Variants in PARN observed in about 807,000 individuals in gnomAD.
The protein encoded by PARN is poly(A)-specific ribonuclease, also known as poly(A)-specific ribonuclease PARN.
A neutral mutation model predicts 102.8 loss-of-function variants in PARN; 71 were observed. That is an observed-to-expected ratio of 0.69 (90% CI 0.57 to 0.84). The LOEUF (loss-of-function observed/expected upper bound fraction) is 0.84. Ranked by LOEUF, PARN falls within the 40% of genes least tolerant of loss-of-function variation. The pLI is 0.00. For synonymous variants in PARN, 261 were observed against 252.9 expected (o/e 1.03, Z -0.30); for missense variants, 782 against 760.9 (o/e 1.03, Z -0.33).
intron 22 of PARN, among the ~76,000 whole-genome samples, chr16:14,465,020 G>T (rs963673348): frequency 1.3e-5 from 2 of 152,152 alleles, no homozygotes; most frequent in African/African-American, 4.8e-5. Context: ...ACTACACAAA[G>T]GAATGAGGAA....
At chr16:14,611,602 A>G (rs1193273870) in intron 6 of PARN, among the ~76,000 whole-genome samples, 3 of 152,148 alleles carry the variant, frequency 2.0e-5, no homozygotes, top group Admixed American at 2.0e-4. Flanking sequence ...ATGCAATGGC[A>G]CAATATGAGC....
At chr16:14,491,263 C>G (rs1386645778) in intron 21 of PARN, among the ~76,000 whole-genome samples, 1 of 150,614 alleles carries the variant, frequency 6.6e-6, no homozygotes, top group Non-Finnish European at 1.5e-5. Flanking sequence ...CTGGTACACC[C>G]AACTGGTGTA....
In PARN at chr16:14,599,911, G is replaced by A; in HGVS notation, c.833C>T (p.Ala278Val). 6.3e-7 allele frequency: 1 copy of A among 1,599,712 alleles called. No homozygotes were observed. The highest frequency in any genetic ancestry group is 8.5e-7 in the Non-Finnish European group (1 of 1,171,222). The change falls in exon 12 of 24, where the codon GCT (alanine) becomes GTT (valine). Residue 278 changes from alanine (A) to valine (V), a missense_variant. Transcript: ENST00000437198. The part of the protein sequence containing the change: ...VGFSRVIHAI[A>V]NSGKLVIGHN... ...AAAGTCTGGCTCACTTACCGAATTA[G>A]CAATGGCGTGAATGACTCTAGAAAA...
chr16:14,525,046 A>C (rs1196215640), intron 21 of PARN, among the ~76,000 whole-genome samples: 1 of 152,230 alleles, frequency 6.6e-6, no homozygotes, highest in Non-Finnish European at 1.5e-5. Context: ...TACTACTACG[A>C]AATATGAGGA....
chr16:14,625,451 C>T (rs1226187571), intron 5 of PARN, among the ~76,000 whole-genome samples: 1 of 152,084 alleles, frequency 6.6e-6, no homozygotes, highest in African/African-American at 2.4e-5. Flanking sequence ...GAGCCTAGAT[C>T]ATGCCATCAC....
intron 11 of PARN, among the ~76,000 whole-genome samples, chr16:14,600,806 T>C (rs759825370): frequency 6.6e-6 from 1 of 152,164 alleles, no homozygotes; most frequent in Non-Finnish European, 1.5e-5. Context: ...GGTGCATGCC[T>C]GTAATCCCAG....
intron 5 of PARN, 29 bp from the exon 6 acceptor site, chr16:14,617,679 T>C (rs763292138): frequency 2.9e-6 from 4 of 1,390,838 alleles, no homozygotes; most frequent in South Asian, 1.2e-5. Flanking sequence ...AACACATGTT[T>C]TGGGGATGTT....
chr16:14,606,724 A>G (rs1403220078), intron 9 of PARN, among the ~76,000 whole-genome samples, 198 bp from the exon 10 acceptor site: 2 of 151,958 alleles, frequency 1.3e-5, no homozygotes, highest in Non-Finnish European at 2.9e-5. Context: ...TTGCTCTTAA[A>G]CACATAAACG....
chr16:14,456,724 C>G (rs1432507228), intron 22 of PARN, among the ~76,000 whole-genome samples: 3 of 151,994 alleles, frequency 2.0e-5, no homozygotes, highest in African/African-American at 7.2e-5. Flanking sequence ...AGATTGCACT[C>G]CAAGTTCAAT....
chr16:14,604,943 CT>C (rs1203996111), intron 10 of PARN, among the ~76,000 whole-genome samples: 1 of 150,126 alleles, frequency 6.7e-6, no homozygotes. Flanking sequence ...TAACCGCACA[CT>C]TTTTTTGTAT....
At chr16:14,577,729 G>A (rs568274605) in intron 18 of PARN, among the ~76,000 whole-genome samples, 12 of 151,750 alleles carry the variant, frequency 7.9e-5, no homozygotes, top group South Asian at 2.1e-4. Flanking sequence ...ATGCAGTGGC[G>A]CAATCTCGGC....
At chr16:14,599,295 G>C (rs908333357) in intron 12 of PARN, among the ~76,000 whole-genome samples, 1 of 151,960 alleles carries the variant, frequency 6.6e-6, no homozygotes, top group Non-Finnish European at 1.5e-5. Flanking sequence ...CATCCTTATC[G>C]GCCTCCCGAA....
intron 12 of PARN, among the ~76,000 whole-genome samples, chr16:14,598,047 G>C (rs1388884723): frequency 3.9e-5 from 6 of 152,178 alleles, no homozygotes; most frequent in Non-Finnish European, 7.3e-5. Context: ...GGGAGGCTGA[G>C]GCAGGAGACT....
intron 12 of PARN, among the ~76,000 whole-genome samples, chr16:14,596,375 T>G (rs190289208): frequency 1.3e-5 from 2 of 151,992 alleles, no homozygotes; most frequent in African/African-American, 4.8e-5. Context: ...AATCTAGTAT[T>G]ATTATTAATA....
intron 18 of PARN, among the ~76,000 whole-genome samples, chr16:14,558,760 T>C (rs996733888): frequency 5.3e-5 from 8 of 152,230 alleles, no homozygotes; most frequent in Non-Finnish European, 1.2e-4. Context: ...TTTTATACTA[T>C]GATTTTACCT....
intron 7 of PARN, among the ~76,000 whole-genome samples, chr16:14,610,329 C>T (rs903906996): frequency 2.0e-5 from 3 of 151,666 alleles, no homozygotes; most frequent in Non-Finnish European, 2.9e-5. Context: ...AAAAATTAGG[C>T]GGGTGTGGTG....
intron 21 of PARN, among the ~76,000 whole-genome samples, chr16:14,489,055 T>C (rs905836152): frequency 2.0e-5 from 3 of 152,022 alleles, no homozygotes; most frequent in Non-Finnish European, 4.4e-5. Flanking sequence ...TAACGGTGAA[T>C]GATAAATGCA....
chr16:14,464,624 G>A (rs146257237), intron 22 of PARN, among the ~76,000 whole-genome samples: 1 of 152,206 alleles, frequency 6.6e-6, no homozygotes, highest in Admixed American at 6.5e-5. Flanking sequence ...AGGCGTGGTG[G>A]CGCACACCTG....
At chr16:14,480,343 C>T (rs1160375236) in intron 22 of PARN, among the ~76,000 whole-genome samples, 1 of 151,982 alleles carries the variant, frequency 6.6e-6, no homozygotes. Context: ...AAAAGAAGAA[C>T]AAATCAAAAA....
Sources: gnomAD v4.1 joint callset for allele counts (sites outside exome capture counted in the v4.1 genomes callset) on GRCh38, gnomAD v4.1.1 for gene constraint, MANE v1.5 for transcripts, NCBI Gene and HGNC (gene_info 2026-07-23, HGNC 2026-07-21) for gene names.